ANKRD36C: variants seen among roughly 807,000 people sequenced by gnomAD.
The protein encoded by ANKRD36C is ankyrin repeat domain-containing protein 36C.
ANKRD36C carries 61 observed loss-of-function variants against 276.4 expected under a neutral mutation model. The ratio of observed to expected loss-of-function variants is 0.22; its 90% CI spans 0.18 to 0.27. The LOEUF (loss-of-function observed/expected upper bound fraction) is 0.27. Among genes scored for constraint, ANKRD36C ranks in the 10% least tolerant of loss-of-function variants. ANKRD36C has a pLI of 1.00. For synonymous variants in ANKRD36C, 483 were observed against 680.1 expected (o/e 0.71, Z 4.51); for missense variants, 1,447 against 2,032.3 (o/e 0.71, Z 5.54).
intron 59 of ANKRD36C, 90 bp from the exon 80 acceptor site, chr2:95,867,671 A>T: frequency 4.6e-6 from 7 of 1,536,972 alleles, no homozygotes; most frequent in African/African-American, 1.4e-5. Context: ...CCATCTGTTT[A>T]TATGAGCACA....
At chr2:95,943,512 A>T (rs1032926176) in intron 19 of ANKRD36C, among the ~76,000 whole-genome samples, 1 of 150,928 alleles carries the variant, frequency 6.6e-6, no homozygotes, top group African/African-American at 2.4e-5. Context: ...CAGAAATTTT[A>T]ATTTTTATTA....
chr2:95,944,376 C>CATGCATAT (rs2104470250), intron 19 of ANKRD36C, among the ~76,000 whole-genome samples: 1 of 152,324 alleles, frequency 6.6e-6, no homozygotes, highest in South Asian at 2.1e-4. Context: ...ATCCTAGTCC[C>CATGCATAT]ATGCATATAT....
chr2:95,851,818 C>A, intron 65 of ANKRD36C, 31 bp from the exon 86 acceptor site: 1 of 1,514,778 alleles, frequency 6.6e-7, no homozygotes, highest in Non-Finnish European at 8.9e-7. Flanking sequence ...TAATTACTCT[C>A]ACACATAATT....
chr2:95,875,931 G>A (rs1256912842), intron 59 of ANKRD36C: 1 of 408,086 alleles, frequency 2.5e-6, no homozygotes, highest in Non-Finnish European at 4.9e-6. Flanking sequence ...ATAGCCAGTT[G>A]GGTTGATTTT....
chr2:95,871,319 C>T (rs1218446230), intron 59 of ANKRD36C, among the ~76,000 whole-genome samples: 2 of 152,084 alleles, frequency 1.3e-5, no homozygotes, highest in South Asian at 2.1e-4. Flanking sequence ...GTGGATCTCT[C>T]GGCAGAAACT....
chr2:95,855,531 A>G (rs1279827715), exon 63 of ANKRD36C: 1 of 1,611,440 alleles, frequency 6.2e-7, no homozygotes, highest in African/African-American at 1.3e-5. Flanking sequence ...CTGCTTTTCT[A>G]TGCATTTTTC....
chr2:95,977,444 TAAA>T (rs1375947534), intron 6 of ANKRD36C, among the ~76,000 whole-genome samples: 1 of 152,102 alleles, frequency 6.6e-6, no homozygotes, highest in Non-Finnish European at 1.5e-5. Flanking sequence ...GTAAAACAAA[TAAA>T]GAAGGCATAC....
intron 1 of ANKRD36C, among the ~76,000 whole-genome samples, chr2:95,988,614 T>C (rs933708013): frequency 3.3e-5 from 5 of 152,190 alleles, no homozygotes; most frequent in African/African-American, 9.7e-5. Flanking sequence ...GTTGGGAAGT[T>C]TATTATGAAA....
exon 28 of ANKRD36C, chr2:95,927,229 G>T (rs1677428797): frequency 2.5e-6 from 4 of 1,610,030 alleles, no homozygotes; most frequent in Non-Finnish European, 3.4e-6. Flanking sequence ...CCAGATTGTT[G>T]TCCCTCCTTT....
chr2:95,892,690 A>G (rs1311123845), intron 44 of ANKRD36C, among the ~76,000 whole-genome samples: 2 of 151,430 alleles, frequency 1.3e-5, no homozygotes, highest in African/African-American at 2.4e-5. Flanking sequence ...AGAATCCAGC[A>G]TAATTTTTGT....
chr2:95,871,138 A>C lies in ANKRD36C; in HGVS notation c.3541-3557T>G, dbSNP rs184897754. On this transcript the variant is annotated intron_variant, in intron 59 of 66. Transcript: ENST00000456556. ...TTTCCCCAATCTAGCAAGGCAGGCC[A>C]ACATTCAGATTCAGGAAATACAGAC... Among the ~76,000 whole-genome samples the C allele has an allele frequency of 5.7e-4, 87 of 152,344 alleles. 2 individuals are homozygous for C. The highest frequency in any genetic ancestry group is 3.4e-3 in the Middle Eastern group (1 of 294).
intron 32 of ANKRD36C, 39 bp downstream of exon 32, chr2:95,923,456 T>G: frequency 1.9e-6 from 3 of 1,602,186 alleles, no homozygotes; most frequent in Non-Finnish European, 2.6e-6. Flanking sequence ...CTTTTCTATC[T>G]GGACTGAACA....
At chr2:95,872,535 A>G (rs1370792075) in intron 59 of ANKRD36C, among the ~76,000 whole-genome samples, 1 of 151,834 alleles carries the variant, frequency 6.6e-6, no homozygotes, top group African/African-American at 2.4e-5. Flanking sequence ...AGGGAAATTT[A>G]TAGCACTAAA....
At chr2:95,954,198 G>C (rs1678274149) in intron 13 of ANKRD36C, among the ~76,000 whole-genome samples, 193 bp from the exon 14 acceptor site, 1 of 152,292 alleles carries the variant, frequency 6.6e-6, no homozygotes, top group African/African-American at 2.4e-5. Flanking sequence ...AAACATTTCA[G>C]TTACCTATTT....
At chr2:95,908,454 C>T (rs1573755662) in intron 42 of ANKRD36C, 48 bp downstream of exon 48, 1 of 1,416,814 alleles carries the variant, frequency 7.1e-7, no homozygotes, top group East Asian at 2.6e-5. Flanking sequence ...AAGAGAATTT[C>T]TTATCTATCT....
chr2:95,901,748 T>TAGATACTTAGTAGATAC (rs1441925312), intron 42 of ANKRD36C, among the ~76,000 whole-genome samples: 3 of 72,942 alleles, frequency 4.1e-5, no homozygotes. Context: ...TGGATATCTG[T>TAGATACTTAGTAGATAC]TTGCTGATAC....
intron 10 of ANKRD36C, among the ~76,000 whole-genome samples, chr2:95,959,233 A>G (rs1358226309): frequency 6.6e-6 from 1 of 151,998 alleles, no homozygotes; most frequent in Non-Finnish European, 1.5e-5. Context: ...TTGCCTGACA[A>G]TTGAGCAGGT....
intron 44 of ANKRD36C, 136 bp downstream of exon 64, chr2:95,893,397 T>G (rs1233739952): frequency 1.0e-5 from 13 of 1,268,104 alleles, no homozygotes; most frequent in Non-Finnish European, 1.2e-5. Context: ...ACCCAAGAAC[T>G]TACTACAAAT....
At chr2:95,888,964 A>C (rs1355310417) in intron 48 of ANKRD36C, among the ~76,000 whole-genome samples, 3 of 151,628 alleles carry the variant, frequency 2.0e-5, no homozygotes, top group Non-Finnish European at 4.4e-5. Flanking sequence ...GTTTCTAAAA[A>C]GTCTTCTTTG....
Sources: gnomAD v4.1 joint callset for allele counts (sites outside exome capture counted in the v4.1 genomes callset) on GRCh38, gnomAD v4.1.1 for gene constraint, MANE v1.5 for transcripts, NCBI Gene and HGNC (gene_info 2026-07-23, HGNC 2026-07-21) for gene names.